Variants in TMEM132B observed in about 807,000 individuals in gnomAD.
TMEM132B encodes the protein transmembrane protein 132B.
A neutral mutation model predicts 90.8 loss-of-function variants in TMEM132B; 18 were observed. The ratio of observed to expected loss-of-function variants is 0.20; its 90% CI spans 0.14 to 0.29. TMEM132B has a LOEUF of 0.29. Among genes scored for constraint, TMEM132B ranks in the 10% least tolerant of loss-of-function variants. TMEM132B has a pLI of 1.00. For synonymous variants in TMEM132B, 504 were observed against 523.3 expected (o/e 0.96, Z 0.50); for missense variants, 1,096 against 1,326.8 (o/e 0.83, Z 2.70).
rs149106297 is a variant in TMEM132B, at chr12:125,542,186, G to A, written c.1293+22561G>A. ...TGCTCTTTGACCTGTACATTAATGC[G>A]TACCTCTAACCCAGAGAGAAAACAG... On this transcript the variant is annotated intron_variant, in intron 4 of 8. Coordinates refer to ENST00000682704, the MANE Select transcript of TMEM132B (RefSeq NM_001366854.1). Among the ~76,000 whole-genome samples, 18 of 152,196 alleles carry A rather than the reference G, an allele frequency of 1.2e-4. 1 individual carries two copies. Among genetic ancestry groups the A allele is most frequent in the South Asian group, 6.2e-4 (3 of 4,820 alleles).
chr12:125,492,517 C>T lies in TMEM132B; in HGVS notation c.1107-26922C>T, dbSNP rs555306493. Among the ~76,000 whole-genome samples the T allele has an allele frequency of 1.3e-3, 200 of 152,298 alleles. No homozygotes were observed. The highest frequency in any genetic ancestry group is 3.4e-3 in the Middle Eastern group (1 of 294). On this transcript the variant is annotated intron_variant, in intron 3 of 8. Coordinates refer to ENST00000682704, the MANE Select transcript of TMEM132B (RefSeq NM_001366854.1). This position sits in a 1 kb window ranked among gnomAD's most constrained non-coding sequence, Gnocchi z 5.8. ...CCCAGGGCCTTTCCCTACCGGCCTC[C>T]CCTGGTGTTCCCAGCCAGCTTCCTG...
rs544432310 is a variant in TMEM132B at position 125,422,438 on chromosome 12, C to T, written c.1106+6761C>T. Among the ~76,000 whole-genome samples the T allele has an allele frequency of 2.6e-3, 400 of 152,328 alleles. 1 individual carries two copies. The highest frequency in any genetic ancestry group is 9.3e-3 in the African/African-American group (387 of 41,576). ...TTTCAGCTCTCTTGTTCCCACAGGA[C>T]TGAAAACTCATTAAAAGCAGTGCCC... On this transcript the variant is annotated intron_variant, in intron 3 of 8. Transcript: ENST00000682704.
chr12:125,260,143 C>A (rs150596768), intron 1 of TMEM132B, among the ~76,000 whole-genome samples: 1 of 152,086 alleles, frequency 6.6e-6, no homozygotes, highest in African/African-American at 2.4e-5. Flanking sequence ...TACCCAGAGA[C>A]GTATTTTGTT....
chr12:125,291,425 A>T (rs1593071847), intron 1 of TMEM132B, among the ~76,000 whole-genome samples: 1 of 152,162 alleles, frequency 6.6e-6, no homozygotes, highest in African/African-American at 2.4e-5. Flanking sequence ...TTGGCCAGAG[A>T]CTGAGAAGTT....
Position 125,201,837 on chromosome 12 carries a change from G to T in TMEM132B, c.67+14971G>T, listed in dbSNP as rs546026515. On this transcript the variant is annotated intron_variant, in intron 1 of 8. Coordinates refer to ENST00000682704, the MANE Select transcript of TMEM132B (RefSeq NM_001366854.1). ...GTCAGCAACTGCTTTGGTCTGCTTT[G>T]CCAGTCGGTGAGTTCAGTGAACACC... 2.0e-5 allele frequency among the ~76,000 whole-genome samples: 3 copies of T among 152,284 alleles called. No individual in the cohort carries two copies. The East Asian group carries it at 5.8e-4, about 29-fold the overall frequency.
intron 5 of TMEM132B, among the ~76,000 whole-genome samples, chr12:125,607,379 G>A (rs1423567822): frequency 6.6e-6 from 1 of 152,196 alleles, no homozygotes; most frequent in Admixed American, 6.5e-5. Context: ...ATGGAACGAG[G>A]TATAGAAACA....
chr12:125,574,983 G>A (rs375318516), intron 4 of TMEM132B, among the ~76,000 whole-genome samples: 1 of 141,800 alleles, frequency 7.1e-6, no homozygotes, highest in African/African-American at 2.6e-5. Context: ...GATCCACAAG[G>A]GTTGGCAACC....
chr12:125,311,086 T>C (rs1447763046), intron 1 of TMEM132B, among the ~76,000 whole-genome samples: 1 of 152,204 alleles, frequency 6.6e-6, no homozygotes, highest in Non-Finnish European at 1.5e-5. Context: ...CACATCTTCT[T>C]AGACATAATT....
intron 3 of TMEM132B, among the ~76,000 whole-genome samples, chr12:125,431,644 A>G (rs6489000): frequency 0.52 from 79,169 of 152,014 alleles, 22,968 homozygotes; most frequent in African/African-American, 0.79. Context: ...ACGATTGGGA[A>G]GAGGCTGTGC....
intron 5 of TMEM132B, among the ~76,000 whole-genome samples, chr12:125,595,112 G>C (rs1179890371): frequency 6.6e-6 from 1 of 152,152 alleles, no homozygotes; most frequent in Non-Finnish European, 1.5e-5. Context: ...GCTATTGAGA[G>C]GCAGTTTTGA....
At position 125,496,982 on chromosome 12, in the gene TMEM132B, C is replaced by G. The variant is rs543679813; in HGVS notation, c.1107-22457C>G. Among the ~76,000 whole-genome samples the G allele has an allele frequency of 6.6e-5, 10 of 152,304 alleles. No individual in the cohort carries two copies. The East Asian group carries it at 9.6e-4, about 15-fold the overall frequency. ...TTTTTAAACCATGCATTTAGGCAGT[C>G]TTGTAGGTCTCTAACATGGTTGATG... is the stretch of plus-strand genomic sequence containing the variant. On this transcript the variant is annotated intron_variant, in intron 3 of 8. Transcript: ENST00000682704.
chr12:125,313,348 C>T (rs1310527689), intron 1 of TMEM132B, among the ~76,000 whole-genome samples: 1 of 152,046 alleles, frequency 6.6e-6, no homozygotes, highest in Non-Finnish European at 1.5e-5. Context: ...GCACATATTT[C>T]TCTTTTCCTT....
At chr12:125,586,951 G>A (rs1885192581) in intron 5 of TMEM132B, 2 of 152,160 alleles carry the variant, frequency 1.3e-5, no homozygotes, top group Admixed American at 6.5e-5. Context: ...AACATTCATC[G>A]TAGTTTTGCT....
intron 1 of TMEM132B, among the ~76,000 whole-genome samples, chr12:125,243,010 CATATATATAT>C (rs763167605): frequency 9.1e-6 from 1 of 109,356 alleles, no homozygotes; most frequent in Non-Finnish European, 1.8e-5. Context: ...TCTCTTTCTT[CATATATATAT>C]ATATATATAT....
At chr12:125,366,872 A>T (rs1213490384) in intron 2 of TMEM132B, among the ~76,000 whole-genome samples, 1 of 151,658 alleles carries the variant, frequency 6.6e-6, no homozygotes, top group African/African-American at 2.4e-5. Flanking sequence ...CTTTTTTCTC[A>T]CTCATTTTAC....
chr12:125,344,830 A>G (rs529421867), intron 1 of TMEM132B, among the ~76,000 whole-genome samples: 1 of 114,962 alleles, frequency 8.7e-6, no homozygotes, highest in South Asian at 3.8e-4. Context: ...GGGCAAGGAG[A>G]ACTATGTGAA....
intron 1 of TMEM132B, among the ~76,000 whole-genome samples, chr12:125,333,646 C>A (rs945544840): frequency 6.6e-6 from 1 of 152,120 alleles, no homozygotes; most frequent in Non-Finnish European, 1.5e-5. Flanking sequence ...CTTTAGGATG[C>A]AGGTGCTAGC....
chr12:125,598,159 A>G (rs982601404), intron 5 of TMEM132B, among the ~76,000 whole-genome samples: 1 of 152,228 alleles, frequency 6.6e-6, no homozygotes, highest in African/African-American at 2.4e-5. Context: ...ATAGCACTGC[A>G]TAAACAAACT....
At chr12:125,497,388 C>T (rs892776403) in intron 3 of TMEM132B, among the ~76,000 whole-genome samples, 3 of 152,234 alleles carry the variant, frequency 2.0e-5, no homozygotes, top group East Asian at 1.9e-4. Flanking sequence ...TATTTCAGGC[C>T]GATTTCATTT....
Sources: gnomAD v4.1 joint callset for allele counts (sites outside exome capture counted in the v4.1 genomes callset) on GRCh38, gnomAD v4.1.1 for gene constraint, Gnocchi (gnomAD v3.1) non-coding constraint, MANE v1.5 for transcripts, NCBI Gene and HGNC (gene_info 2026-07-23, HGNC 2026-07-21) for gene names.